Variants in FMN1 observed in about 807,000 individuals in gnomAD.
FMN1 encodes formin-1.
In FMN1, 110 loss-of-function variants were observed where a neutral mutation model predicts 132.4. The observed-to-expected ratio is 0.83, with a 90% CI of 0.71 to 0.97. The LOEUF is 0.97. Ranked by LOEUF, FMN1 falls within the 50% of genes least tolerant of loss-of-function variation. The pLI is 0.00. For synonymous variants in FMN1, 722 were observed against 651.7 expected (o/e 1.11, Z -1.64); for missense variants, 1,792 against 1,705.3 (o/e 1.05, Z -0.90).
At chr15:33,012,127 A>C in intron 6 of FMN1, 1 of 465,892 alleles carries the variant, frequency 2.1e-6, no homozygotes, top group Non-Finnish European at 3.9e-6. Context: ...TCATGTCTGC[A>C]CATCAGAGTC....
intron 6 of FMN1, among the ~76,000 whole-genome samples, chr15:33,061,307 G>A (rs575586225): frequency 3.9e-5 from 6 of 152,238 alleles, no homozygotes; most frequent in African/African-American, 1.4e-4. Context: ...GTCACTAGAG[G>A]CTTAGGAGCA....
intron 16 of FMN1, among the ~76,000 whole-genome samples, chr15:32,885,024 T>C (rs181295350): frequency 6.6e-6 from 1 of 152,362 alleles, no homozygotes; most frequent in Admixed American, 6.5e-5. Flanking sequence ...GCAGGTCCTA[T>C]AACTGTCCCA....
At chr15:33,032,673 C>T (rs751452354) in intron 6 of FMN1, among the ~76,000 whole-genome samples, 1 of 152,186 alleles carries the variant, frequency 6.6e-6, no homozygotes, top group Non-Finnish European at 1.5e-5. Context: ...GCATAACCCT[C>T]GGTTCCAATC....
chr15:32,781,652 A>C (rs2056668066), intron 19 of FMN1, among the ~76,000 whole-genome samples: 1 of 152,158 alleles, frequency 6.6e-6, no homozygotes, highest in Non-Finnish European at 1.5e-5. Context: ...TCTCCCTGCT[A>C]TAAACCCAGT....
intron 17 of FMN1, among the ~76,000 whole-genome samples, chr15:32,855,980 G>T (rs1032803871): frequency 8.5e-5 from 13 of 152,204 alleles, no homozygotes; most frequent in Non-Finnish European, 1.9e-4. Context: ...GGCTGAGAGA[G>T]AAATCTGACT....
intron 6 of FMN1, among the ~76,000 whole-genome samples, chr15:33,040,924 T>A (rs1001761925): frequency 1.3e-5 from 2 of 152,214 alleles, no homozygotes; most frequent in Non-Finnish European, 2.9e-5. Flanking sequence ...ACTGGATACT[T>A]TGGTACTTAA....
chr15:33,183,007 G>A (rs780962254), intron 2 of FMN1, among the ~76,000 whole-genome samples: 1 of 152,120 alleles, frequency 6.6e-6, no homozygotes. Flanking sequence ...ATAAATGATA[G>A]AATGAAGATT....
intron 7 of FMN1, among the ~76,000 whole-genome samples, chr15:32,971,543 A>T (rs963200362): frequency 2.6e-5 from 4 of 152,078 alleles, no homozygotes; most frequent in Non-Finnish European, 5.9e-5. Context: ...ACTTCCACCC[A>T]CATCTTAGCC....
intron 6 of FMN1, among the ~76,000 whole-genome samples, chr15:33,025,325 C>A (rs1385445840): frequency 6.6e-6 from 1 of 152,120 alleles, no homozygotes; most frequent in Non-Finnish European, 1.5e-5. Context: ...ACACAATCAA[C>A]AATCTTGATT....
chr15:32,858,299 C>T (rs2059183113), intron 16 of FMN1, among the ~76,000 whole-genome samples: 1 of 152,094 alleles, frequency 6.6e-6, no homozygotes, highest in African/African-American at 2.4e-5. Context: ...CAAAAGACAC[C>T]ACTTAAATGT....
intron 6 of FMN1, among the ~76,000 whole-genome samples, chr15:33,037,454 C>T (rs974506747): frequency 3.3e-5 from 5 of 151,972 alleles, no homozygotes; most frequent in East Asian, 3.8e-4. Flanking sequence ...GGTGGGGTGG[C>T]GAGAGAAGGC....
At chr15:32,893,894 A>G (rs2060091000) in intron 15 of FMN1, among the ~76,000 whole-genome samples, 1 of 152,226 alleles carries the variant, frequency 6.6e-6, no homozygotes, top group African/African-American at 2.4e-5. Context: ...TGGGGTAGGT[A>G]CTACCAATAA....
intron 4 of FMN1, among the ~76,000 whole-genome samples, chr15:33,134,740 G>A (rs8041426): frequency 0.22 from 33,989 of 152,162 alleles, 5,674 homozygotes; most frequent in African/African-American, 0.47. Flanking sequence ...GGTGGCTCAC[G>A]CCTATAATCC....
intron 4 of FMN1, among the ~76,000 whole-genome samples, chr15:33,139,029 G>A (rs1963890910): frequency 6.6e-6 from 1 of 152,020 alleles, no homozygotes. Flanking sequence ...TCCAGTCTGG[G>A]GATATTACTA....
intron 17 of FMN1, among the ~76,000 whole-genome samples, chr15:32,856,598 G>C (rs1485921793): frequency 6.6e-6 from 1 of 152,176 alleles, no homozygotes; most frequent in African/African-American, 2.4e-5. Flanking sequence ...AAGTTTCCAA[G>C]TTGCTACACT....
intron 5 of FMN1, among the ~76,000 whole-genome samples, chr15:33,084,004 A>G (rs1248261076): frequency 6.6e-6 from 1 of 152,180 alleles, no homozygotes; most frequent in African/African-American, 2.4e-5. Context: ...AAGTTTGCTT[A>G]TATGGTCTAA....
chr15:33,172,463 T>C (rs1965367187), intron 3 of FMN1, among the ~76,000 whole-genome samples: 1 of 152,238 alleles, frequency 6.6e-6, no homozygotes, highest in Admixed American at 6.5e-5. Context: ...GAGTGTTATG[T>C]GGCTCTTCAT....
At position 32,969,286 on chromosome 15, in the gene FMN1, G is replaced by T. The variant is rs1312240317; in HGVS notation, c.2415C>A (p.Val805=). The T allele has an allele frequency of 1.9e-6, 3 of 1,613,786 alleles. No individual in the cohort carries two copies. The highest frequency in any genetic ancestry group is 2.5e-6 in the Non-Finnish European group (3 of 1,179,872). ...TGAGGAAGGTCTCTCTGTCTGTCTGGACGCACACATTTCTGAAGGTCTTTG... is the reference window on the plus strand; with the variant it reads ...TGAGGAAGGTCTCTCTGTCTGTCTGTACGCACACATTTCTGAAGGTCTTTG... The part of the protein sequence containing the change: ...CPPKTFRNVC[V]QTDRETFLKP... Residue 805 remains valine (V), a synonymous_variant, in exon 8 of 21, where the codon GTC becomes GTA. Coordinates refer to ENST00000616417, the MANE Select transcript of FMN1 (RefSeq NM_001277313.2).
chr15:32,801,782 G>A (rs1440899830), intron 18 of FMN1, among the ~76,000 whole-genome samples: 1 of 151,942 alleles, frequency 6.6e-6, no homozygotes. Context: ...GCGACAGAAT[G>A]AGACTCCGTC....
Sources: gnomAD v4.1 joint callset for allele counts (sites outside exome capture counted in the v4.1 genomes callset) on GRCh38, gnomAD v4.1.1 for gene constraint, MANE v1.5 for transcripts, NCBI Gene and HGNC (gene_info 2026-07-23, HGNC 2026-07-21) for gene names.